COL28A1: variants seen among roughly 807,000 people sequenced by gnomAD.
COL28A1 encodes the protein collagen alpha-1(XXVIII) chain.
Under a neutral mutation model 150.2 loss-of-function variants are expected in COL28A1, and 161 were observed. That is an observed-to-expected ratio of 1.07 (90% CI 0.94 to 1.22). COL28A1 has a LOEUF of 1.22. Among genes scored for constraint, COL28A1 ranks in the 50% most tolerant of loss-of-function variants. The pLI, the probability that COL28A1 is intolerant of heterozygous loss-of-function variation, is 0.00. For synonymous variants in COL28A1, 552 were observed against 469.7 expected (o/e 1.18, Z -2.26); for missense variants, 1,617 against 1,388.3 (o/e 1.16, Z -2.62).
intron 30 of COL28A1, among the ~76,000 whole-genome samples, chr7:7,377,608 T>C (rs570248057): frequency 3.3e-5 from 5 of 152,190 alleles, no homozygotes; most frequent in East Asian, 1.9e-4. Context: ...TTAGGGCACA[T>C]AGCAGAAACA....
chr7:7,530,018 A>G (rs1189593784), intron 3 of COL28A1, among the ~76,000 whole-genome samples: 1 of 152,062 alleles, frequency 6.6e-6, no homozygotes, highest in African/African-American at 2.4e-5. Flanking sequence ...AAAAAAGGCT[A>G]GAAACAATAG....
In COL28A1 at chr7:7,360,568, C is replaced by G. The variant is rs539045313; in HGVS notation, c.3067-40G>C. ...TCACATTTTGTGTTTCTGATAATATCAAGTAAAAAAAATACTAGTTTGCTT... is the reference window on the plus strand; with the variant it reads ...TCACATTTTGTGTTTCTGATAATATGAAGTAAAAAAAATACTAGTTTGCTT... On this transcript the variant is annotated intron_variant, in intron 33 of 34. Transcript: ENST00000399429. 5.8e-6 allele frequency: 9 copies of G among 1,561,264 alleles called. No individual in the cohort carries two copies. In the African/African-American group the frequency reaches 1.3e-4, roughly 22 times the overall value.
chr7:7,349,738 A>T, the COL28A1 span, among the ~76,000 whole-genome samples: 1 of 152,112 alleles, frequency 6.6e-6, no homozygotes, highest in Non-Finnish European at 1.5e-5. Flanking sequence ...GATTTTGCAA[A>T]GCATCTTTTC....
chr7:7,492,944 T>TTA (rs947442861), intron 11 of COL28A1, among the ~76,000 whole-genome samples: 5 of 149,316 alleles, frequency 3.3e-5, no homozygotes, highest in South Asian at 4.2e-4. Flanking sequence ...GCCATGGAAT[T>TTA]TATATATATA....
intron 15 of COL28A1, among the ~76,000 whole-genome samples, chr7:7,457,046 C>T (rs572680466): frequency 6.6e-6 from 1 of 152,136 alleles, no homozygotes; most frequent in Non-Finnish European, 1.5e-5. Context: ...GGAGACAGTG[C>T]GGGTGGAACC....
At chr7:7,401,930 T>G (rs1179691810) in intron 27 of COL28A1, among the ~76,000 whole-genome samples, 1 of 152,152 alleles carries the variant, frequency 6.6e-6, no homozygotes, top group Non-Finnish European at 1.5e-5. Context: ...CCCCCAAAAT[T>G]TATTCTATCC....
At chr7:7,493,455 G>C (rs1020142421) in intron 11 of COL28A1, among the ~76,000 whole-genome samples, 4 of 152,144 alleles carry the variant, frequency 2.6e-5, no homozygotes, top group African/African-American at 9.7e-5. Flanking sequence ...CAAGTACCAA[G>C]AGCAGCTGAG....
At chr7:7,461,901 T>C (rs1262252334) in intron 15 of COL28A1, among the ~76,000 whole-genome samples, 1 of 152,174 alleles carries the variant, frequency 6.6e-6, no homozygotes, top group Admixed American at 6.5e-5. Flanking sequence ...TGATGCTCTC[T>C]TGAAAACACC....
chr7:7,362,480 C>G (rs1780719809), intron 33 of COL28A1, among the ~76,000 whole-genome samples: 1 of 152,094 alleles, frequency 6.6e-6, no homozygotes. Flanking sequence ...CTAAGCTGTT[C>G]TATTGCTTTT....
At chr7:7,440,529 T>C (rs1421907937) in intron 21 of COL28A1, among the ~76,000 whole-genome samples, 1 of 152,188 alleles carries the variant, frequency 6.6e-6, no homozygotes, top group Non-Finnish European at 1.5e-5. Context: ...TTCTGAATAT[T>C]TGGTTGTTAC....
chr7:7,428,122 C>T (rs1469185339), intron 25 of COL28A1, among the ~76,000 whole-genome samples: 2 of 152,122 alleles, frequency 1.3e-5, no homozygotes, highest in East Asian at 1.9e-4. Context: ...TTAGGTAATA[C>T]ATAATCATGA....
chr7:7,345,007 T>TACACAC, the COL28A1 span, among the ~76,000 whole-genome samples: 3 of 149,458 alleles, frequency 2.0e-5, no homozygotes, highest in Admixed American at 1.3e-4. Context: ...GAAATACACA[T>TACACAC]ACACACACAC....
Position 7,474,623 on chromosome 7 carries a change from C to T in COL28A1, c.1280G>A (p.Gly427Asp), listed in dbSNP as rs1032041270. The T allele has an allele frequency of 2.2e-6, 3 of 1,374,214 alleles. No individual in the cohort carries two copies. Among genetic ancestry groups the T allele is most frequent in the African/African-American group, 1.4e-5 (1 of 69,700 alleles). The allele number at this position is 1,374,214 out of a possible 1,614,324, so 85.1% of individuals were successfully genotyped here. The change falls in exon 15 of 35, where the codon GGC becomes GAC. Residue 427 changes from glycine to aspartate, a missense_variant. Gly to Asp is a moderately conservative substitution (Grantham distance 94). Transcript: ENST00000399429. ...EGPTGPQGLQ[G>D]LSIKGEKGDI... ...TACCTTCTCCCCTTTGATTGACAGG[C>T]CTTGTAATCCCTGTGGGCCAGTTGG...
At chr7:7,460,194 T>G (rs1787495497) in intron 15 of COL28A1, among the ~76,000 whole-genome samples, 1 of 152,218 alleles carries the variant, frequency 6.6e-6, no homozygotes, top group Non-Finnish European at 1.5e-5. Context: ...GTATGTGGTC[T>G]TCCTTCCTTC....
At chr7:7,370,957 G>T in intron 32 of COL28A1, 75 bp from the exon 33 acceptor site, 1 of 965,766 alleles carries the variant, frequency 1.0e-6, no homozygotes, top group African/African-American at 1.7e-5. Context: ...AAAAAGATCT[G>T]CACTCTCCTT....
rs559048804 is a variant in COL28A1, at chr7:7,414,523, G to A, written c.2136+3336C>T. ...GCCATGGTACTAAATAAAGAGGGGCGAGCCCATCGTGCTCTCAGGGTTTTC... is the reference window on the plus strand; with the variant it reads ...GCCATGGTACTAAATAAAGAGGGGCAAGCCCATCGTGCTCTCAGGGTTTTC... On this transcript the variant is annotated intron_variant, in intron 27 of 34. Coordinates refer to ENST00000399429, the MANE Select transcript of COL28A1 (RefSeq NM_001037763.3). 1.7e-4 allele frequency among the ~76,000 whole-genome samples: 26 copies of A among 152,320 alleles called. No homozygotes were observed. The South Asian group carries it at 4.3e-3, about 25-fold the overall frequency.
Position 7,360,464 on chromosome 7 carries a change from A to C in COL28A1, c.3131T>G (p.Leu1044Arg). Residue 1044 changes from leucine to arginine, a missense_variant, in exon 34 of 35, where the codon CTG becomes CGG. Physicochemically the swap from Leu to Arg is moderately radical, Grantham distance 102. Transcript: ENST00000399429. Reference sequence around the variant, plus strand: ...GGCCTCAGATGAGGTAGTGGCAGGCAGATCATCAGCCCACGTTGGCTCTGG... The same window carrying C: ...GGCCTCAGATGAGGTAGTGGCAGGCCGATCATCAGCCCACGTTGGCTCTGG... ...KAPEPTWADD[L>R]PATTSSEATT... 6.2e-7 allele frequency: 1 copy of C among 1,609,980 alleles called. No individual in the cohort carries two copies. Among genetic ancestry groups the C allele is most frequent in the Non-Finnish European group, 8.5e-7 (1 of 1,178,786 alleles).
intron 11 of COL28A1, among the ~76,000 whole-genome samples, chr7:7,498,917 C>G (rs185415683): frequency 6.6e-6 from 1 of 152,230 alleles, no homozygotes; most frequent in East Asian, 1.9e-4. Context: ...CACGCACACA[C>G]ACACACACAC....
chr7:7,417,720 C>G, intron 27 of COL28A1, 139 bp downstream of exon 27: 1 of 722,168 alleles, frequency 1.4e-6, no homozygotes, highest in Non-Finnish European at 2.4e-6. Context: ...GATGATGTCT[C>G]TAAACACTGG....
Sources: gnomAD v4.1 joint callset for allele counts (sites outside exome capture counted in the v4.1 genomes callset) on GRCh38, gnomAD v4.1.1 for gene constraint, MANE v1.5 for transcripts, NCBI Gene and HGNC (gene_info 2026-07-23, HGNC 2026-07-21) for gene names.